VCL: variants seen among roughly 807,000 people sequenced by gnomAD.
VCL encodes the protein vinculin.
Under a neutral mutation model 125.7 loss-of-function variants are expected in VCL, and 47 were observed. The observed-to-expected ratio is 0.37, with a 90% CI of 0.30 to 0.48. The LOEUF is 0.48. Among genes scored for constraint, VCL ranks in the 20% least tolerant of loss-of-function variants. VCL has a pLI of 0.99. For synonymous variants in VCL, 458 were observed against 514.6 expected, an observed-to-expected ratio of 0.89 and a Z score of 1.49; for missense variants, 1,069 against 1,455.5, an observed-to-expected ratio of 0.73 and a Z score of 4.32.
chr10:74,010,057 C>T (rs765184571), intron 1 of VCL, among the ~76,000 whole-genome samples: 2 of 151,810 alleles, frequency 1.3e-5, no homozygotes, highest in African/African-American at 4.8e-5. Context: ...CCCAAGTAGC[C>T]GAGATTACAA....
At chr10:74,047,720 A>T (rs1008036829) in intron 2 of VCL, among the ~76,000 whole-genome samples, 3 of 152,224 alleles carry the variant, frequency 2.0e-5, no homozygotes, top group African/African-American at 7.2e-5. Context: ...ATATATATTT[A>T]AAGATTTTTC....
chr10:74,037,999 C>CTTTT (rs56198344), intron 1 of VCL, among the ~76,000 whole-genome samples: 5 of 130,032 alleles, frequency 3.8e-5, no homozygotes, highest in Admixed American at 7.6e-5. Flanking sequence ...CTTTTCTTTT[C>CTTTT]TTTTTTTTTT....
At chr10:74,116,642 T>C (rs1221646937) in intron 21 of VCL, among the ~76,000 whole-genome samples, 1 of 150,388 alleles carries the variant, frequency 6.6e-6, no homozygotes, top group African/African-American at 2.5e-5. Flanking sequence ...GCCGAGATCG[T>C]GCCATTGCAC....
chr10:74,101,542 GTTT>G (rs964739371), intron 14 of VCL, among the ~76,000 whole-genome samples: 73 of 88,118 alleles, frequency 8.3e-4, no homozygotes, highest in South Asian at 5.7e-3. Context: ...CTATTTATTA[GTTT>G]TTTTTTTTTT....
intron 1 of VCL, among the ~76,000 whole-genome samples, chr10:74,039,683 C>T (rs181937176): frequency 1.5e-3 from 225 of 151,750 alleles, no homozygotes; most frequent in African/African-American, 4.9e-3. Flanking sequence ...CTGCTCCGGA[C>T]GGAGGATCAC....
At chr10:74,023,474 G>A (rs1840711908) in intron 1 of VCL, among the ~76,000 whole-genome samples, 1 of 152,206 alleles carries the variant, frequency 6.6e-6, no homozygotes, top group East Asian at 1.9e-4. Flanking sequence ...ATGTATGACT[G>A]TACTTAAAAC....
At chr10:74,005,579 C>T (rs1840308174) in intron 1 of VCL, among the ~76,000 whole-genome samples, 1 of 152,072 alleles carries the variant, frequency 6.6e-6, no homozygotes, top group African/African-American at 2.4e-5. Flanking sequence ...TATTTTGTTC[C>T]AATCATTTTT....
chr10:74,042,687 C>T (rs1044035099), intron 1 of VCL, among the ~76,000 whole-genome samples: 2 of 152,072 alleles, frequency 1.3e-5, no homozygotes, highest in Non-Finnish European at 2.9e-5. Flanking sequence ...CCAATAACTT[C>T]GTTTTTTTCT....
chr10:74,003,624 G>A (rs574718365), intron 1 of VCL, among the ~76,000 whole-genome samples: 36 of 152,198 alleles, frequency 2.4e-4, no homozygotes, highest in Admixed American at 1.0e-3. Context: ...ACTTTTATGG[G>A]CCTCACTTGT....
In VCL at chr10:74,090,304, A is replaced by G. The variant is rs71539634; in HGVS notation, c.1352+106A>G. On this transcript the variant is annotated intron_variant, in intron 10 of 21. Coordinates refer to ENST00000211998, the MANE Select transcript of VCL (RefSeq NM_014000.3). The stretch of plus-strand genomic sequence containing the variant: ...TTCCCCCAAGAACATACATATTTCA[A>G]TTCCCCTAGGTTAAATGCACTTATG... 1.6e-3 allele frequency: 2,138 copies of G among 1,309,194 alleles called. 4 individuals carry two copies. The highest frequency in any genetic ancestry group is 2.2e-3 in the Non-Finnish European group (1,995 of 925,604). The allele number at this position is 1,309,194 out of a possible 1,614,324, so 81.1% of individuals were successfully genotyped here.
intron 1 of VCL, among the ~76,000 whole-genome samples, chr10:74,033,489 T>C (rs1345405421): frequency 1.3e-5 from 2 of 152,196 alleles, no homozygotes; most frequent in African/African-American, 4.8e-5. Context: ...TTAACCTCTC[T>C]GTGGCAGTTG....
chr10:74,107,383 G>A (rs1344150437), intron 17 of VCL, 29 bp downstream of exon 17: 23 of 1,614,020 alleles, frequency 1.4e-5, no homozygotes, highest in Non-Finnish European at 1.9e-5. Context: ...GCAGAGAATT[G>A]AGCAGGAAGG....
intron 2 of VCL, chr10:74,063,664 T>G (rs1841515277): frequency 1.3e-5 from 2 of 152,170 alleles, no homozygotes; most frequent in African/African-American, 4.8e-5. Flanking sequence ...AAACAAAAAC[T>G]GATACATTTT....
Position 74,103,808 on chromosome 10 carries a change from T to C in VCL, c.2023-12T>C. Reference sequence around the variant, plus strand: ...GGTGCTCTGGTGTTTAAAGGTGTTTTGTCATTGTCAGGTGGTCTCGGCTGC... The same window carrying C: ...GGTGCTCTGGTGTTTAAAGGTGTTTCGTCATTGTCAGGTGGTCTCGGCTGC... On this transcript the variant is annotated splice_polypyrimidine_tract_variant and intron_variant, in intron 14 of 21. Coordinates refer to ENST00000211998, the MANE Select transcript of VCL (RefSeq NM_014000.3). 1 of 1,613,464 alleles carries C rather than the reference T, an allele frequency of 6.2e-7. No homozygotes were observed. The highest frequency in any genetic ancestry group is 2.2e-5 in the East Asian group (1 of 44,888).
chr10:74,024,130 G>A (rs562506038), intron 1 of VCL, among the ~76,000 whole-genome samples: 19 of 152,238 alleles, frequency 1.2e-4, no homozygotes, highest in African/African-American at 4.6e-4. Flanking sequence ...TATTCTGCCT[G>A]TGGCTGCCTG....
chr10:74,002,212 G>A (rs1469566329), intron 1 of VCL, among the ~76,000 whole-genome samples: 1 of 152,116 alleles, frequency 6.6e-6, no homozygotes. Context: ...CGCAACCTCT[G>A]TCTCCCAGGT....
chr10:74,069,396 C>T (rs770488894), intron 2 of VCL, among the ~76,000 whole-genome samples: 1 of 152,216 alleles, frequency 6.6e-6, no homozygotes, highest in Non-Finnish European at 1.5e-5. Flanking sequence ...GTATGCTCCT[C>T]GAGAGTTAGA....
chr10:74,087,283 A>G (rs183441783), intron 8 of VCL, among the ~76,000 whole-genome samples: 1 of 151,322 alleles, frequency 6.6e-6, no homozygotes, highest in East Asian at 1.9e-4. Context: ...TTTGGTATAG[A>G]TGAAAAACAG....
chr10:74,111,591 C>T (rs904409935), intron 18 of VCL, among the ~76,000 whole-genome samples: 1 of 152,174 alleles, frequency 6.6e-6, no homozygotes, highest in Non-Finnish European at 1.5e-5. Flanking sequence ...TCACTCTTGT[C>T]AAGTTTGACT....
Sources: gnomAD v4.1 joint callset for allele counts (sites outside exome capture counted in the v4.1 genomes callset) on GRCh38, gnomAD v4.1.1 for gene constraint, MANE v1.5 for transcripts, NCBI Gene and HGNC (gene_info 2026-07-23, HGNC 2026-07-21) for gene names.